SULT2B1: variants seen among roughly 807,000 people sequenced by gnomAD.
The protein encoded by SULT2B1 is sulfotransferase family 2B member 1, also known as sulfotransferase 2B1.
A neutral mutation model predicts 33.2 loss-of-function variants in SULT2B1; 16 were observed. The observed-to-expected ratio is 0.48, with a 90% CI of 0.33 to 0.73. The LOEUF (loss-of-function observed/expected upper bound fraction) is 0.73, where lower values mean the gene tolerates loss of function less well. Among genes scored for constraint, SULT2B1 ranks in the 30% least tolerant of loss-of-function variants. SULT2B1 has a pLI of 0.02. For synonymous variants in SULT2B1, 186 were observed against 200.5 expected (o/e 0.93, Z 0.61); for missense variants, 500 against 506.0 (o/e 0.99, Z 0.11).
In SULT2B1 at chr19:48,586,530, G is replaced by A. The variant is rs528417631; in HGVS notation, c.215-699G>A. 6.6e-5 allele frequency among the ~76,000 whole-genome samples: 10 copies of A among 152,228 alleles called. No homozygotes were observed. In the South Asian group the frequency reaches 1.0e-3, roughly 16 times the overall value. ...GGAAATAGCCGCACATCACATCGCCGCCACCTATACTTCCTTGGCCAGACC... is the reference window on the plus strand; with the variant it reads ...GGAAATAGCCGCACATCACATCGCCACCACCTATACTTCCTTGGCCAGACC... On this transcript the variant is annotated intron_variant, in intron 2 of 6. Transcript: ENST00000201586.
At chr19:48,594,576 C>T (rs765770195) in intron 5 of SULT2B1, among the ~76,000 whole-genome samples, 11 of 152,194 alleles carry the variant, frequency 7.2e-5, no homozygotes, top group East Asian at 1.9e-4. Flanking sequence ...TGTGAGGCGC[C>T]GCCCACATGT....
chr19:48,566,212 C>T (rs1016064602), intron 1 of SULT2B1, among the ~76,000 whole-genome samples: 3 of 152,138 alleles, frequency 2.0e-5, no homozygotes, highest in South Asian at 2.1e-4. Context: ...TGTGAGCCAC[C>T]GCACCTAGCC....
intron 1 of SULT2B1, among the ~76,000 whole-genome samples, chr19:48,560,029 C>T (rs1226084667): frequency 3.9e-5 from 6 of 151,946 alleles, no homozygotes; most frequent in Non-Finnish European, 8.8e-5. Context: ...GTTCGAATGC[C>T]GCCCCTATGG....
At chr19:48,557,629 G>A (rs1423782320) in intron 1 of SULT2B1, among the ~76,000 whole-genome samples, 1 of 150,774 alleles carries the variant, frequency 6.6e-6, no homozygotes, top group Non-Finnish European at 1.5e-5. Flanking sequence ...AATTAAAATC[G>A]TAAGAGGCCG....
intron 1 of SULT2B1, among the ~76,000 whole-genome samples, chr19:48,567,147 C>T (rs1394749438): frequency 6.6e-6 from 1 of 152,108 alleles, no homozygotes; most frequent in Non-Finnish European, 1.5e-5. Context: ...TGTTTCTGGC[C>T]TCTCTTGGAA....
intron 1 of SULT2B1, among the ~76,000 whole-genome samples, chr19:48,572,225 G>A (rs1302812851): frequency 6.6e-6 from 1 of 152,062 alleles, no homozygotes; most frequent in Admixed American, 6.6e-5. Flanking sequence ...TTTAGAGGGT[G>A]ACATCTGTGC....
intron 1 of SULT2B1, among the ~76,000 whole-genome samples, chr19:48,567,335 G>A (rs6509391): frequency 0.51 from 77,657 of 151,674 alleles, 20,571 homozygotes; most frequent in African/African-American, 0.65. Flanking sequence ...AGGCTGAGGC[G>A]GGCAGATCAC....
rs997923964 is a variant in SULT2B1 at position 48,573,548 on chromosome 19, G to C, written c.72-2393G>C. 2.0e-5 allele frequency among the ~76,000 whole-genome samples: 3 copies of C among 152,058 alleles called. No homozygotes were observed. In the South Asian group the frequency reaches 6.2e-4, roughly 31 times the overall value. ...GGGGACAGGGGGGTCCTGGCTCTGC[G>C]CTCAGGCCCAGAGAGTGGCAGGGTC... is the stretch of plus-strand genomic sequence containing the variant. On this transcript the variant is annotated intron_variant, in intron 1 of 6. Transcript: ENST00000201586.
At chr19:48,580,711 G>A (rs751466246) in intron 2 of SULT2B1, among the ~76,000 whole-genome samples, 8 of 152,006 alleles carry the variant, frequency 5.3e-5, no homozygotes, top group Non-Finnish European at 8.8e-5. Flanking sequence ...GAAGATCATG[G>A]CTCACTGCAA....
chr19:48,581,848 T>C (rs1042836511), intron 2 of SULT2B1, among the ~76,000 whole-genome samples: 3 of 150,796 alleles, frequency 2.0e-5, no homozygotes, highest in Non-Finnish European at 4.4e-5. Context: ...CTTTTCATTT[T>C]CATATCAGCG....
At chr19:48,577,053 T>G (rs1355836413) in intron 2 of SULT2B1, among the ~76,000 whole-genome samples, 1 of 57,280 alleles carries the variant, frequency 1.7e-5, no homozygotes, top group Non-Finnish European at 3.6e-5. Flanking sequence ...TTTTTTTTTT[T>G]GTGACGGAGT....
At chr19:48,556,698 C>T (rs1446716726) in intron 1 of SULT2B1, among the ~76,000 whole-genome samples, 4 of 151,848 alleles carry the variant, frequency 2.6e-5, no homozygotes, top group Non-Finnish European at 5.9e-5. Flanking sequence ...CACCTGTAAT[C>T]CCAGCAGTTT....
In SULT2B1 at chr19:48,553,973, T is replaced by C. The variant is rs938737142; in HGVS notation, c.71+1650T>C. 1.5e-3 allele frequency among the ~76,000 whole-genome samples: 223 copies of C among 151,714 alleles called. 3 individuals are homozygous for C. Among genetic ancestry groups the C allele is most frequent in the African/African-American group, 4.9e-3 (200 of 41,120 alleles). On this transcript the variant is annotated intron_variant, in intron 1 of 6. Transcript: ENST00000201586. ...ACCCCAGCCAGGCACCTGGGAGCCT[T>C]TTTTTTATCTCCGCGACGGCTCTGC...
chr19:48,555,227 G>T (rs975435950), intron 1 of SULT2B1, among the ~76,000 whole-genome samples: 2 of 152,074 alleles, frequency 1.3e-5, no homozygotes, highest in Admixed American at 6.6e-5. Context: ...AAGTAGCTGG[G>T]ATTACAGGCA....
At chr19:48,585,675 G>GA (rs1313237988) in intron 2 of SULT2B1, among the ~76,000 whole-genome samples, 1 of 137,420 alleles carries the variant, frequency 7.3e-6, no homozygotes, top group Non-Finnish European at 1.6e-5. Context: ...GTCTCAAAAA[G>GA]AAAAAAAGTG....
intron 6 of SULT2B1, among the ~76,000 whole-genome samples, chr19:48,597,170 G>A (rs1229657499): frequency 6.6e-6 from 1 of 152,090 alleles, no homozygotes; most frequent in Non-Finnish European, 1.5e-5. Context: ...GCCAACGCCA[G>A]GTTTACCCGA....
At chr19:48,574,375 A>G (rs1973374780) in intron 1 of SULT2B1, among the ~76,000 whole-genome samples, 1 of 151,836 alleles carries the variant, frequency 6.6e-6, no homozygotes, top group Non-Finnish European at 1.5e-5. Flanking sequence ...TGGGGGAGGG[A>G]CCCCCGATTT....
chr19:48,575,732 C>T (rs1973396483), intron 1 of SULT2B1: 1 of 809,062 alleles, frequency 1.2e-6, no homozygotes, highest in African/African-American at 1.7e-5. Flanking sequence ...CCACCCACCT[C>T]TGTCTCCCAA....
chr19:48,582,387 GTA>G (rs60393530), intron 2 of SULT2B1, among the ~76,000 whole-genome samples: 34,285 of 151,992 alleles, frequency 0.23, 5,001 homozygotes, highest in African/African-American at 0.42. Flanking sequence ...TTTTGCCTAT[GTA>G]TATACAATGT....
Sources: allele counts gnomAD v4.1 joint callset (sites outside exome capture counted in the v4.1 genomes callset), GRCh38; gene constraint gnomAD v4.1.1; transcripts MANE v1.5; gene names NCBI Gene and HGNC (gene_info 2026-07-23, HGNC 2026-07-21).